The following LETM2 variants were observed in gnomAD, a reference collection of about 807,000 sequenced individuals.
The protein encoded by LETM2 is leucine zipper and EF-hand containing transmembrane protein 2, also known as LETM1 domain-containing protein LETM2, mitochondrial.
Under a neutral mutation model 59.6 loss-of-function variants are expected in LETM2, and 58 were observed. The observed-to-expected ratio is 0.97, with a 90% CI of 0.79 to 1.21. LETM2 has a LOEUF of 1.21. LETM2 is among the 50% of genes most tolerant of loss of function. LETM2 has a pLI of 0.00. For synonymous variants in LETM2, 199 were observed against 214.1 expected, an observed-to-expected ratio of 0.93 and a Z score of 0.62; for missense variants, 572 against 575.7, an observed-to-expected ratio of 0.99 and a Z score of 0.07.
Position 38,392,885 on chromosome 8 carries a change from A to C in LETM2, c.391A>C (p.Lys131Gln), listed in dbSNP as rs764635159. The stretch of plus-strand genomic sequence containing the variant: ...TAGACAAAAAATCATGGATGAACTA[A>C]AATATTATTACAATGGATTCTACTT... Reference protein sequence around the residue: ...SYRQKIMDELKYYYNGFYLLW... With the variant: ...SYRQKIMDELQYYYNGFYLLW... The change falls in exon 3 of 11, where the codon AAA (lysine) becomes CAA (glutamine). Residue 131 changes from lysine to glutamine, a missense_variant. Lys to Gln is a moderately conservative substitution (Grantham distance 53). Coordinates refer to ENST00000379957, the MANE Select transcript of LETM2 (RefSeq NM_001286819.2). 5 of 1,613,984 alleles carry C rather than the reference A, an allele frequency of 3.1e-6. No homozygotes were observed. In the African/African-American group the frequency reaches 6.7e-5, roughly 22 times the overall value.
intron 7 of LETM2, among the ~76,000 whole-genome samples, chr8:38,403,261 C>T (rs914169701): frequency 2.6e-4 from 40 of 152,362 alleles, no homozygotes; most frequent in African/African-American, 9.1e-4. Flanking sequence ...TTCAGTTACA[C>T]CTGTAGAATC....
At chr8:38,394,516 C>T in intron 4 of LETM2, 2 of 259,434 alleles carry the variant, frequency 7.7e-6, no homozygotes, top group South Asian at 1.1e-4. Context: ...TCCACCATCA[C>T]AGTATCATAC....
intron 6 of LETM2, among the ~76,000 whole-genome samples, chr8:38,401,331 T>C (rs1307529450): frequency 1.3e-5 from 2 of 152,130 alleles, no homozygotes; most frequent in Non-Finnish European, 2.9e-5. Flanking sequence ...GAGATGGGAC[T>C]TCACCATGTT....
At chr8:38,393,503 C>T (rs1300362617) in intron 3 of LETM2, 8 of 154,038 alleles carry the variant, frequency 5.2e-5, no homozygotes, top group African/African-American at 7.3e-5. Context: ...AAAAATTAGC[C>T]GGGCATGGTG....
At chr8:38,398,452 CT>C (rs1314549346) in intron 4 of LETM2, among the ~76,000 whole-genome samples, 3 of 152,144 alleles carry the variant, frequency 2.0e-5, no homozygotes, top group Non-Finnish European at 4.4e-5. Context: ...GAGAGAGGAG[CT>C]TTCTGTTTAC....
intron 4 of LETM2, among the ~76,000 whole-genome samples, chr8:38,396,483 C>T (rs1812706687): frequency 6.6e-6 from 1 of 152,102 alleles, no homozygotes; most frequent in Admixed American, 6.6e-5. Context: ...TTTATGAAAA[C>T]TGTAATGTCA....
intron 1 of LETM2, chr8:38,387,172 C>A (rs934042830): frequency 6.6e-6 from 1 of 152,248 alleles, no homozygotes; most frequent in African/African-American, 2.4e-5. Flanking sequence ...GAAACACCAC[C>A]CACCGTTAGT....
intron 2 of LETM2, among the ~76,000 whole-genome samples, chr8:38,390,948 TG>T (rs1390612719): frequency 6.6e-6 from 1 of 151,994 alleles, no homozygotes; most frequent in Non-Finnish European, 1.5e-5. Context: ...CCCAAAGTGC[TG>T]GGATTACAGG....
Position 38,402,584 on chromosome 8 carries a change from G to T in LETM2, c.1044G>T (p.Arg348Ser). ...LSVSELQAAC[R>S]ARGMRSLGLT... ...TATCAGAACTACAGGCTGCCTGTAG[G>T]GCCCGAGGGATGAGATCACTGGGTC... Residue 348 changes from arginine (R) to serine (S), a missense_variant, in exon 7 of 11, where the codon AGG (arginine) becomes AGT (serine). By Grantham distance (110) the Arg-to-Ser change is moderately radical (BLOSUM62 -1). Transcript: ENST00000379957. 1 of 1,613,748 alleles carries T rather than the reference G, an allele frequency of 6.2e-7. No individual in the cohort carries two copies. The highest frequency in any genetic ancestry group is 8.5e-7 in the Non-Finnish European group (1 of 1,179,636).
intron 10 of LETM2, chr8:38,407,971 A>ATTG: frequency 2.1e-6 from 1 of 480,140 alleles, no homozygotes; most frequent in Non-Finnish European, 3.8e-6. Flanking sequence ...GACCAAAGAC[A>ATTG]TGGCTGGCAG....
intron 2 of LETM2, among the ~76,000 whole-genome samples, chr8:38,390,576 C>T (rs1394252506): frequency 4.6e-5 from 6 of 131,376 alleles, no homozygotes; most frequent in East Asian, 2.4e-4. Flanking sequence ...GAGTCAAGAT[C>T]GCGTCACTGC....
rs374786773 is a variant in LETM2 at position 38,394,126 on chromosome 8, G to A, written c.530G>A (p.Arg177His). 519 of 1,482,800 alleles carry A rather than the reference G, an allele frequency of 3.5e-4. 1 individual carries two copies. The African/African-American group carries it at 3.8e-3, about 11-fold the overall frequency. The allele number at this position is 1,482,800 out of a possible 1,614,324, so 91.9% of individuals were successfully genotyped here. The change falls in exon 4 of 11, where the codon CGC becomes CAC. Residue 177 changes from arginine (R) to histidine (H), a missense_variant. Coordinates refer to ENST00000379957, the MANE Select transcript of LETM2 (RefSeq NM_001286819.2). Reference protein sequence around the residue: ...RLLRTCVDFFRLVPFMVFLIV... With the variant: ...RLLRTCVDFFHLVPFMVFLIV... ...TTGAGAACTTGTGTTGATTTCTTCC[G>A]CCTGGTTCCATTTATGGTGTTCTTA...
At chr8:38,390,393 A>C (rs1812131802) in intron 2 of LETM2, among the ~76,000 whole-genome samples, 1 of 151,842 alleles carries the variant, frequency 6.6e-6, no homozygotes, top group African/African-American at 2.4e-5. Flanking sequence ...AGGCCAAGGC[A>C]GGCAGATCAC....
intron 8 of LETM2, among the ~76,000 whole-genome samples, chr8:38,405,217 T>C (rs1352783390): frequency 2.0e-5 from 3 of 152,248 alleles, no homozygotes; most frequent in South Asian, 4.1e-4. Context: ...TCTTTAAGCA[T>C]TGAATGGCTT....
At position 38,404,375 on chromosome 8, in the gene LETM2, TC is replaced by T. The variant is rs1813525385; in HGVS notation, c.1105-14del. Reference sequence around the variant, plus strand: ...TGGTGTTCTGATTCTCACGTGTTGTTCCCCTCCCGTTCTCCAGTGGCAGGAC... The same window carrying T: ...TGGTGTTCTGATTCTCACGTGTTGTTCCCTCCCGTTCTCCAGTGGCAGGAC... On this transcript the variant is annotated splice_polypyrimidine_tract_variant and intron_variant, in intron 7 of 10. Transcript: ENST00000379957. The T allele has an allele frequency of 3.9e-6, 6 of 1,530,432 alleles. No individual in the cohort carries two copies. Among genetic ancestry groups the T allele is most frequent in the Non-Finnish European group, 5.4e-6 (6 of 1,104,372 alleles). The allele number at this position is 1,530,432 out of a possible 1,614,324, so 94.8% of individuals were successfully genotyped here.
chr8:38,391,454 C>T lies in LETM2; in HGVS notation c.48-1088C>T, dbSNP rs545504172. On this transcript the variant is annotated intron_variant, in intron 2 of 10. Coordinates refer to ENST00000379957, the MANE Select transcript of LETM2 (RefSeq NM_001286819.2). Reference sequence around the variant, plus strand: ...AGTAGCTGGGACTACAGGCACGTGCCACCACGCCCAGCTAATTTTTGTATT... The same window carrying T: ...AGTAGCTGGGACTACAGGCACGTGCTACCACGCCCAGCTAATTTTTGTATT... Among the ~76,000 whole-genome samples the T allele has an allele frequency of 2.3e-3, 354 of 151,380 alleles. 4 individuals are homozygous for T. The highest frequency in any genetic ancestry group is 3.0e-3 in the Non-Finnish European group (205 of 67,810).
At chr8:38,397,446 G>A (rs982253493) in intron 4 of LETM2, among the ~76,000 whole-genome samples, 1 of 152,216 alleles carries the variant, frequency 6.6e-6, no homozygotes, top group African/African-American at 2.4e-5. Flanking sequence ...ACCATGGTCT[G>A]GGAAAGGTAT....
chr8:38,404,243 G>T, intron 7 of LETM2, 150 bp from the exon 8 acceptor site: 1 of 603,750 alleles, frequency 1.7e-6, no homozygotes, highest in Admixed American at 2.9e-5. Context: ...CTGGGCTCTT[G>T]TCCGTGTTCT....
intron 2 of LETM2, among the ~76,000 whole-genome samples, chr8:38,391,295 T>G (rs62505465): frequency 0.042 from 6,194 of 147,230 alleles, 174 homozygotes; most frequent in South Asian, 0.088. Context: ...TTTTATTTTA[T>G]TTTAGTTTTT....
Sources: gnomAD v4.1 joint callset for allele counts (sites outside exome capture counted in the v4.1 genomes callset) on GRCh38, gnomAD v4.1.1 for gene constraint, MANE v1.5 for transcripts, NCBI Gene and HGNC (gene_info 2026-07-23, HGNC 2026-07-21) for gene names.